Variants in MCF2L2 observed in about 807,000 individuals in gnomAD.
MCF2L2 encodes the protein MCF.2 cell line derived transforming sequence-like 2, also known as probable guanine nucleotide exchange factor MCF2L2.
In MCF2L2, 102 loss-of-function variants were observed where a neutral mutation model predicts 150.2. That is an observed-to-expected ratio of 0.68 (90% CI 0.58 to 0.80). The LOEUF (loss-of-function observed/expected upper bound fraction) is 0.80, where lower values mean the gene tolerates loss of function less well. Among genes scored for constraint, MCF2L2 ranks in the 30% least tolerant of loss-of-function variants. MCF2L2 has a pLI of 0.00. For synonymous variants in MCF2L2, 465 were observed against 491.3 expected (o/e 0.95, Z 0.71); for missense variants, 1,256 against 1,372.8 (o/e 0.91, Z 1.34).
chr3:183,291,519 G>C (rs1449114838), intron 13 of MCF2L2, among the ~76,000 whole-genome samples: 1 of 152,222 alleles, frequency 6.6e-6, no homozygotes, highest in Admixed American at 6.5e-5. Flanking sequence ...AACTTCAGAG[G>C]TGTTAGAAGT....
At chr3:183,343,826 A>C (rs1293623972) in intron 3 of MCF2L2, among the ~76,000 whole-genome samples, 1 of 152,212 alleles carries the variant, frequency 6.6e-6, no homozygotes, top group Non-Finnish European at 1.5e-5. Flanking sequence ...TATAAAATAA[A>C]TATGTCACAA....
At chr3:183,211,472 C>T (rs892354070) in intron 22 of MCF2L2, among the ~76,000 whole-genome samples, 10 of 152,198 alleles carry the variant, frequency 6.6e-5, no homozygotes, top group Admixed American at 5.9e-4. Context: ...TGCCCATCTC[C>T]ACGCCCAAGG....
At chr3:183,344,899 A>C (rs2108545428) in intron 3 of MCF2L2, among the ~76,000 whole-genome samples, 1 of 152,350 alleles carries the variant, frequency 6.6e-6, no homozygotes, top group Non-Finnish European at 1.5e-5. Flanking sequence ...ATATGCACCC[A>C]ATACAGGTGC....
Position 183,355,478 on chromosome 3 carries a change from C to G in MCF2L2, c.276-13848G>C, listed in dbSNP as rs370909058. ...TTTTTTTTTTTTTGAGACGGAGTCT[C>G]GCTCTGTCGCATAGGTGGAGTGCCG... On this transcript the variant is annotated intron_variant, in intron 3 of 29. Coordinates refer to ENST00000328913, the MANE Select transcript of MCF2L2 (RefSeq NM_015078.4). Among the ~76,000 whole-genome samples, 18 of 151,048 alleles carry G rather than the reference C, an allele frequency of 1.2e-4. No homozygotes were observed. The East Asian group carries it at 2.3e-3, about 20-fold the overall frequency.
At chr3:183,345,531 C>T (rs548201556) in intron 3 of MCF2L2, among the ~76,000 whole-genome samples, 1 of 152,206 alleles carries the variant, frequency 6.6e-6, no homozygotes, top group South Asian at 2.1e-4. Flanking sequence ...AGAGCAAACA[C>T]ATTCAAAAGT....
chr3:183,301,035 A>AAAG (rs1425275347), intron 10 of MCF2L2, among the ~76,000 whole-genome samples: 1 of 149,500 alleles, frequency 6.7e-6, no homozygotes, highest in Non-Finnish European at 1.5e-5. Context: ...AAAAAAAAAA[A>AAAG]AAGAAATATG....
rs1721516548 is a variant in MCF2L2, at chr3:183,181,415, G to C, written c.3017-1256C>G. ...GAGGGGGCTGGACACCCTCCTCTCA[G>C]GTTGAAGCAAGTCCTGGTTGAGTTC... On this transcript the variant is annotated intron_variant, in intron 27 of 29. Transcript: ENST00000328913. The surrounding 1 kb of genome is among the most constrained non-coding windows in gnomAD (Gnocchi z 4.3). Among the ~76,000 whole-genome samples, 1 of 152,098 alleles carries C rather than the reference G, an allele frequency of 6.6e-6. No individual in the cohort carries two copies. Among genetic ancestry groups the C allele is most frequent in the South Asian group, 2.1e-4 (1 of 4,824 alleles).
At chr3:183,210,919 A>C (rs187441592) in intron 22 of MCF2L2, among the ~76,000 whole-genome samples, 2 of 152,266 alleles carry the variant, frequency 1.3e-5, no homozygotes, top group Admixed American at 6.5e-5. Flanking sequence ...CCCAGCATAA[A>C]AACAATGTGC....
At chr3:183,290,814 G>A (rs1297741662) in intron 13 of MCF2L2, among the ~76,000 whole-genome samples, 1 of 152,224 alleles carries the variant, frequency 6.6e-6, no homozygotes, top group East Asian at 1.9e-4. Flanking sequence ...TTACAGGCGT[G>A]AGCCACTGTG....
intron 5 of MCF2L2, among the ~76,000 whole-genome samples, chr3:183,338,046 G>T (rs1373436361): frequency 2.0e-5 from 3 of 151,928 alleles, no homozygotes; most frequent in African/African-American, 7.3e-5. Context: ...CTATATTTTA[G>T]ATCCGTGTTT....
chr3:183,217,493 A>G (rs1371665443), intron 21 of MCF2L2, among the ~76,000 whole-genome samples: 1 of 151,960 alleles, frequency 6.6e-6, no homozygotes, highest in Admixed American at 6.6e-5. Context: ...AAAAAGAAAA[A>G]GAAAAAGAAT....
chr3:183,189,958 TCTCTC>T (rs1721821164), intron 27 of MCF2L2, among the ~76,000 whole-genome samples: 1 of 152,162 alleles, frequency 6.6e-6, no homozygotes, highest in Admixed American at 6.5e-5. Flanking sequence ...AATTCTTCCT[TCTCTC>T]AAATTCTGCC....
At chr3:183,412,288 TTTGTTG>T (rs145229144) in intron 1 of MCF2L2, among the ~76,000 whole-genome samples, 13,189 of 151,522 alleles carry the variant, frequency 0.087, 1,100 homozygotes, top group African/African-American at 0.22. Flanking sequence ...TGTTTGTTTG[TTTGTTG>T]TTGTTGTTGT....
chr3:183,321,478 A>G (rs1017189811), intron 6 of MCF2L2, among the ~76,000 whole-genome samples: 9 of 151,986 alleles, frequency 5.9e-5, no homozygotes, highest in Non-Finnish European at 1.2e-4. Flanking sequence ...GAAACCAAAT[A>G]TAATAGTAAT....
rs3076576 is a variant in MCF2L2, at chr3:183,267,213, T to TAA, written c.1862+9657_1862+9658dup. 0.024 allele frequency among the ~76,000 whole-genome samples: 3,612 copies of TAA among 149,122 alleles called. 147 individuals are homozygous for TAA. Among genetic ancestry groups the TAA allele is most frequent in the African/African-American group, 0.081 (3,317 of 40,890 alleles). On this transcript the variant is annotated intron_variant, in intron 15 of 29. Coordinates refer to ENST00000328913, the MANE Select transcript of MCF2L2 (RefSeq NM_015078.4). The surrounding 1 kb of genome is among the most constrained non-coding windows in gnomAD (Gnocchi z 5.5). ...TACTACTCTCAGTACACTCTGTATT[T>TAA]AAAAAAAAAAATGCTGGTTGTGGCT...
rs1227678164 is a variant in MCF2L2, at chr3:183,181,559, C to T, written c.3017-1400G>A. On this transcript the variant is annotated intron_variant, in intron 27 of 29. Coordinates refer to ENST00000328913, the MANE Select transcript of MCF2L2 (RefSeq NM_015078.4). This position sits in a 1 kb window ranked among gnomAD's most constrained non-coding sequence, Gnocchi z 4.3. ...TGGGAGCATCTAAGGAAACCCAAGA[C>T]TCCTCTTTAGAGAAGTCATCCAGCC... 3.9e-5 allele frequency among the ~76,000 whole-genome samples: 6 copies of T among 152,158 alleles called. No individual in the cohort carries two copies. The highest frequency in any genetic ancestry group is 2.0e-4 in the Admixed American group (3 of 15,276).
chr3:183,234,591 A>G (rs1002308219), intron 15 of MCF2L2, among the ~76,000 whole-genome samples: 5 of 152,084 alleles, frequency 3.3e-5, no homozygotes, highest in Admixed American at 3.3e-4. Context: ...ATATGACTTA[A>G]AAAGAGCCCT....
intron 3 of MCF2L2, among the ~76,000 whole-genome samples, chr3:183,356,502 A>T (rs1183994466): frequency 1.3e-5 from 2 of 152,020 alleles, no homozygotes; most frequent in Non-Finnish European, 2.9e-5. Context: ...ACAGAGCAAG[A>T]CTCCGTCTCA....
intron 1 of MCF2L2, among the ~76,000 whole-genome samples, chr3:183,423,640 T>TTG (rs1553798651): frequency 1.6e-5 from 2 of 124,022 alleles, no homozygotes; most frequent in African/African-American, 6.1e-5. Context: ...TTGTTTTTTT[T>TTG]TTTTTTTTTT....
Sources: allele counts gnomAD v4.1 joint callset (sites outside exome capture counted in the v4.1 genomes callset), GRCh38; gene constraint gnomAD v4.1.1; non-coding constraint Gnocchi (gnomAD v3.1); transcripts MANE v1.5; gene names NCBI Gene and HGNC (gene_info 2026-07-23, HGNC 2026-07-21).